C3orf22: variants seen among roughly 807,000 people sequenced by gnomAD.
The protein encoded by C3orf22 is chromosome 3 open reading frame 22, also known as uncharacterized protein C3orf22.
C3orf22 carries 7 observed loss-of-function variants against 10.8 expected under a neutral mutation model. The observed-to-expected ratio is 0.65, with a 90% CI of 0.37 to 1.22. The LOEUF (loss-of-function observed/expected upper bound fraction) is 1.22, where lower values mean the gene tolerates loss of function less well. Among genes scored for constraint, C3orf22 ranks in the 50% most tolerant of loss-of-function variants. The pLI, the probability that C3orf22 is intolerant of heterozygous loss-of-function variation, is 0.02. For missense variants in C3orf22, 173 were observed against 177.0 expected, an observed-to-expected ratio of 0.98 and a Z score of 0.13; for synonymous variants, 79 against 78.9, an observed-to-expected ratio of 1.00 and a Z score of 0.00.
At chr3:126,556,863 CACAT>C (rs1421549322) in intron 1 of C3orf22, among the ~76,000 whole-genome samples, 5 of 147,292 alleles carry the variant, frequency 3.4e-5, no homozygotes, top group Admixed American at 2.0e-4. Flanking sequence ...CACACAGACT[CACAT>C]ACACACACAC....
intron 4 of C3orf22, chr3:126,541,744 G>A (rs559156519): frequency 1.3e-6 from 2 of 1,485,810 alleles, no homozygotes; most frequent in African/African-American, 1.4e-5. Flanking sequence ...ACCCGCGCTC[G>A]ACCCTGGCGA....
chr3:126,545,298 G>C (rs929879901), downstream of C3orf22, among the ~76,000 whole-genome samples: 1 of 152,232 alleles, frequency 6.6e-6, no homozygotes, highest in Admixed American at 6.5e-5. Context: ...CTTAAAGTTG[G>C]ATAGTGCTGG....
chr3:126,545,960 T>G (rs1167874230), downstream of C3orf22, among the ~76,000 whole-genome samples: 1 of 152,210 alleles, frequency 6.6e-6, no homozygotes, highest in African/African-American at 2.4e-5. Flanking sequence ...CATTCACTTT[T>G]CAAGTATCCC....
At chr3:126,536,882 C>G (rs1011083120) in intron 4 of C3orf22, among the ~76,000 whole-genome samples, 4 of 125,084 alleles carry the variant, frequency 3.2e-5, no homozygotes, top group African/African-American at 1.5e-4. Context: ...CTCTCTTTCT[C>G]ACACACACAC....
intron 4 of C3orf22, among the ~76,000 whole-genome samples, chr3:126,543,860 C>G (rs930869363): frequency 6.6e-6 from 1 of 152,130 alleles, no homozygotes; most frequent in African/African-American, 2.4e-5. Flanking sequence ...GTGGCCAACT[C>G]CAGTGGACCT....
At chr3:126,536,157 A>C in intron 4 of C3orf22, 1 of 790,560 alleles carries the variant, frequency 1.3e-6, no homozygotes, top group Non-Finnish European at 2.2e-6. Context: ...AAGATCCGGG[A>C]AGGAAATTGA....
chr3:126,541,885 C>G, intron 4 of C3orf22: 1 of 1,600,280 alleles, frequency 6.2e-7, no homozygotes, highest in Non-Finnish European at 8.5e-7. Context: ...TCTACTGCTA[C>G]GTGCCCAAGG....
chr3:126,529,405 G>A (rs1936603639), intron 4 of C3orf22: 1 of 1,288,664 alleles, frequency 7.8e-7, no homozygotes, highest in African/African-American at 1.5e-5. Context: ...CAGGTGTCAG[G>A]ACAAGGGGGC....
intron 3 of C3orf22, among the ~76,000 whole-genome samples, chr3:126,550,683 G>A (rs1254255484): frequency 5.3e-5 from 8 of 152,152 alleles, no homozygotes; most frequent in African/African-American, 1.9e-4. Context: ...TCATGGGCCC[G>A]GCCGTAGAGA....
At chr3:126,547,096 A>C (rs559342016), downstream of C3orf22, among the ~76,000 whole-genome samples, 40 of 152,136 alleles carry the variant, frequency 2.6e-4, no homozygotes, top group Non-Finnish European at 4.7e-4. Context: ...ACACTCCCCA[A>C]TGCACCTCCA....
intron 1 of C3orf22, among the ~76,000 whole-genome samples, chr3:126,553,774 G>A (rs1386289564): frequency 1.3e-5 from 2 of 152,172 alleles, no homozygotes; most frequent in African/African-American, 4.8e-5. Context: ...CTGCACACGA[G>A]GTGTGTTTCT....
chr3:126,528,505 G>A (rs1007165075), intron 5 of C3orf22, among the ~76,000 whole-genome samples: 7 of 152,188 alleles, frequency 4.6e-5, no homozygotes, highest in Admixed American at 4.6e-4. Context: ...GGAGTGAGAA[G>A]CCCTGTGGGT....
downstream of C3orf22, among the ~76,000 whole-genome samples, chr3:126,546,654 C>G (rs1003717491): frequency 6.6e-6 from 1 of 152,164 alleles, no homozygotes; most frequent in Non-Finnish European, 1.5e-5. Flanking sequence ...AGGCAGCTAG[C>G]ACTTTCACCT....
At chr3:126,535,768 C>G (rs1451256958) in intron 4 of C3orf22, among the ~76,000 whole-genome samples, 1 of 152,290 alleles carries the variant, frequency 6.6e-6, no homozygotes, top group Non-Finnish European at 1.5e-5. Context: ...CAGGCATCCA[C>G]AGTGGGTCAC....
downstream of C3orf22, among the ~76,000 whole-genome samples, chr3:126,547,883 A>C (rs1187747636): frequency 6.6e-6 from 1 of 152,214 alleles, no homozygotes; most frequent in African/African-American, 2.4e-5. Context: ...CCCAAAAGAG[A>C]ATGGACACAT....
At chr3:126,529,089 A>T (rs1372538977) in intron 5 of C3orf22, 3 of 372,642 alleles carry the variant, frequency 8.1e-6, no homozygotes, top group Non-Finnish European at 1.6e-5. Context: ...TGGACTAGGG[A>T]GTCTGCAAAC....
At chr3:126,544,866 G>GCCCACCACATGCAGCTCTGTA (rs1052920517), downstream of C3orf22, among the ~76,000 whole-genome samples, 4 of 152,226 alleles carry the variant, frequency 2.6e-5, no homozygotes, top group African/African-American at 9.7e-5. Context: ...CAGACGCTGT[G>GCCCACCACATGCAGCTCTGTA]CCCACCACAT....
At chr3:126,544,229 C>T (rs1176904731) in intron 4 of C3orf22, among the ~76,000 whole-genome samples, 1 of 152,184 alleles carries the variant, frequency 6.6e-6, no homozygotes, top group Non-Finnish European at 1.5e-5. Context: ...GTAGTGTACT[C>T]AGCCCCCTCA....
chr3:126,540,690 G>A (rs1400492815), intron 4 of C3orf22, among the ~76,000 whole-genome samples: 1 of 152,236 alleles, frequency 6.6e-6, no homozygotes, highest in East Asian at 1.9e-4. Context: ...TCATGGACAA[G>A]TTTTTTGCAT....
Sources: gnomAD v4.1 joint callset for allele counts (sites outside exome capture counted in the v4.1 genomes callset) on GRCh38, gnomAD v4.1.1 for gene constraint, MANE v1.5 for transcripts, NCBI Gene and HGNC (gene_info 2026-07-23, HGNC 2026-07-21) for gene names.